The following R3HCC1L variants were observed in gnomAD, a reference collection of about 807,000 sequenced individuals.
R3HCC1L encodes coiled-coil domain-containing protein R3HCC1L.
Under a neutral mutation model 59.9 loss-of-function variants are expected in R3HCC1L, and 51 were observed. The ratio of observed to expected loss-of-function variants is 0.85; its 90% CI spans 0.68 to 1.07. The LOEUF (loss-of-function observed/expected upper bound fraction) is 1.07, where lower values mean the gene tolerates loss of function less well. Among genes scored for constraint, R3HCC1L ranks in the 50% least tolerant of loss-of-function variants. The probability of loss-of-function intolerance (pLI) is 0.00; values close to 1 mark genes in which losing one functional copy is unlikely to be tolerated. For synonymous variants in R3HCC1L, 322 were observed against 315.2 expected (o/e 1.02, Z -0.23); for missense variants, 965 against 933.0 (o/e 1.03, Z -0.45).
chr10:98,162,680 G>GTCTC (rs1847557081), intron 2 of R3HCC1L, among the ~76,000 whole-genome samples: 2 of 151,798 alleles, frequency 1.3e-5, no homozygotes, highest in African/African-American at 4.8e-5. Context: ...GTTTGTGTGT[G>GTCTC]TGTGTGTGTG....
chr10:98,212,676 A>C lies in R3HCC1L; in HGVS notation c.1785+2777A>C, dbSNP rs568000581. ...TGAATTCTTGGTAGAAGAACACAGGAGTTATTTTTCATTAGAAAATACTTT... is the reference window on the plus strand; with the variant it reads ...TGAATTCTTGGTAGAAGAACACAGGCGTTATTTTTCATTAGAAAATACTTT... On this transcript the variant is annotated intron_variant, in intron 5 of 9. Coordinates refer to ENST00000298999, the MANE Select transcript of R3HCC1L (RefSeq NM_001351015.2). Among the ~76,000 whole-genome samples the C allele has an allele frequency of 5.3e-5, 8 of 152,284 alleles. No individual in the cohort carries two copies. The South Asian group carries it at 1.7e-3, about 32-fold the overall frequency.
chr10:98,184,607 C>T (rs7912786), intron 4 of R3HCC1L, among the ~76,000 whole-genome samples: 1,920 of 152,280 alleles, frequency 0.013, 45 homozygotes, highest in African/African-American at 0.044. Flanking sequence ...CCTGTCATTA[C>T]GTGACACATG....
chr10:98,154,709 T>C (rs932116623), intron 1 of R3HCC1L, among the ~76,000 whole-genome samples: 1 of 152,190 alleles, frequency 6.6e-6, no homozygotes, highest in Admixed American at 6.5e-5. Flanking sequence ...AATCCCAGTG[T>C]AGCTAGATGA....
Position 98,231,691 on chromosome 10 carries a change from A to T in R3HCC1L, c.1961+4A>T. 1 of 1,596,916 alleles carries T rather than the reference A, an allele frequency of 6.3e-7. No homozygotes were observed. Among genetic ancestry groups the T allele is most frequent in the Non-Finnish European group, 8.5e-7 (1 of 1,169,646 alleles). ...TACGGGTTTTCTGCAGTTATCAGTGAGTATGCAAATGATTGTGGATGTTAG... is the reference window on the plus strand; with the variant it reads ...TACGGGTTTTCTGCAGTTATCAGTGTGTATGCAAATGATTGTGGATGTTAG... On this transcript the variant is annotated splice_donor_region_variant and intron_variant, in intron 6 of 9. Coordinates refer to ENST00000298999, the MANE Select transcript of R3HCC1L (RefSeq NM_001351015.2).
intron 4 of R3HCC1L, among the ~76,000 whole-genome samples, chr10:98,181,923 C>G (rs955392157): frequency 4.6e-5 from 7 of 151,962 alleles, no homozygotes; most frequent in African/African-American, 1.7e-4. Context: ...ATCTTTTTTT[C>G]AAGATTTTTA....
chr10:98,171,123 A>G (rs1848467153), intron 4 of R3HCC1L, among the ~76,000 whole-genome samples: 1 of 152,226 alleles, frequency 6.6e-6, no homozygotes, highest in Admixed American at 6.5e-5. Context: ...CCAAGGATGA[A>G]AACAGAATGT....
chr10:98,197,920 G>A (rs1851618564), intron 4 of R3HCC1L, among the ~76,000 whole-genome samples: 1 of 152,128 alleles, frequency 6.6e-6, no homozygotes. Flanking sequence ...GAAGTTTTGA[G>A]GGTGGTAATG....
chr10:98,210,840 A>C (rs918667663), intron 5 of R3HCC1L, among the ~76,000 whole-genome samples: 8 of 152,192 alleles, frequency 5.3e-5, no homozygotes, highest in Non-Finnish European at 2.9e-5. Flanking sequence ...ACCCTTTTGA[A>C]TACTAAGTGA....
chr10:98,178,353 T>G (rs1849260074), intron 4 of R3HCC1L, among the ~76,000 whole-genome samples: 1 of 152,222 alleles, frequency 6.6e-6, no homozygotes, highest in Non-Finnish European at 1.5e-5. Flanking sequence ...TTTGTCAGGT[T>G]TGTCAAAGAT....
chr10:98,180,224 T>G (rs1192082918), intron 4 of R3HCC1L, among the ~76,000 whole-genome samples: 1 of 152,196 alleles, frequency 6.6e-6, no homozygotes, highest in Non-Finnish European at 1.5e-5. Flanking sequence ...ACACACTGCT[T>G]TAAATGTGTC....
At chr10:98,173,869 A>G (rs1410267157) in intron 4 of R3HCC1L, among the ~76,000 whole-genome samples, 2 of 152,196 alleles carry the variant, frequency 1.3e-5, no homozygotes, top group East Asian at 1.9e-4. Flanking sequence ...ATGATGAAAA[A>G]TAAATCTTCC....
intron 4 of R3HCC1L, among the ~76,000 whole-genome samples, chr10:98,169,860 TCCTTATTA>T (rs2134324159): frequency 6.6e-6 from 1 of 152,012 alleles, no homozygotes. Context: ...GAATTGTCAT[TCCTTATTA>T]CTCACCTAAC....
chr10:98,231,045 T>C (rs1427512212), intron 5 of R3HCC1L: 2 of 423,466 alleles, frequency 4.7e-6, no homozygotes, highest in East Asian at 7.0e-5. Flanking sequence ...AAAAGTGAAG[T>C]AAAAAAGTTT....
intron 4 of R3HCC1L, chr10:98,174,661 A>G (rs573026677): frequency 2.0e-6 from 2 of 985,168 alleles, no homozygotes; most frequent in East Asian, 1.1e-4. Context: ...GAAGGAGCAG[A>G]CAATGAGGCC....
rs183836504 is a variant in R3HCC1L at position 98,165,433 on chromosome 10, T to C, written c.-15+2036T>C. 7.2e-5 allele frequency among the ~76,000 whole-genome samples: 11 copies of C among 152,330 alleles called. No individual in the cohort carries two copies. The East Asian group carries it at 2.1e-3, about 29-fold the overall frequency. On this transcript the variant is annotated intron_variant, in intron 4 of 9. Transcript: ENST00000298999. ...TAGGGCTTATCTTTTCCAGGAATTA[T>C]TATAGTAGTAGTAAGGCCAGTTACC...
intron 5 of R3HCC1L, among the ~76,000 whole-genome samples, chr10:98,213,549 TC>T (rs1262796009): frequency 6.6e-6 from 1 of 152,104 alleles, no homozygotes; most frequent in Non-Finnish European, 1.5e-5. Context: ...GGGGATTAGA[TC>T]CCCCAATGCT....
At chr10:98,227,524 AG>A (rs1590803312) in intron 5 of R3HCC1L, among the ~76,000 whole-genome samples, 56 of 151,068 alleles carry the variant, frequency 3.7e-4, no homozygotes, top group Non-Finnish European at 4.4e-4. Flanking sequence ...AGAGAGAGAG[AG>A]AGAAAAATAT....
chr10:98,197,304 C>A (rs375501992), intron 4 of R3HCC1L, among the ~76,000 whole-genome samples: 1 of 152,000 alleles, frequency 6.6e-6, no homozygotes, highest in Non-Finnish European at 1.5e-5. Context: ...AGTTTTTGCA[C>A]GTGTTCATTC....
chr10:98,206,157 C>T lies in R3HCC1L; in HGVS notation c.-14-1944C>T, dbSNP rs138713856. On this transcript the variant is annotated intron_variant, in intron 4 of 9. Transcript: ENST00000298999. Reference sequence around the variant, plus strand: ...TATACCTTTAGTTCTTTTAGCTCTACATTGTATGACATATTTTCTAGACTC... The same window carrying T: ...TATACCTTTAGTTCTTTTAGCTCTATATTGTATGACATATTTTCTAGACTC... 4.6e-5 allele frequency among the ~76,000 whole-genome samples: 7 copies of T among 152,136 alleles called. No individual in the cohort carries two copies. In the East Asian group the frequency reaches 7.7e-4, roughly 17 times the overall value.
Sources: allele counts gnomAD v4.1 joint callset (sites outside exome capture counted in the v4.1 genomes callset), GRCh38; gene constraint gnomAD v4.1.1; transcripts MANE v1.5; gene names NCBI Gene and HGNC (gene_info 2026-07-23, HGNC 2026-07-21).